ADGRG7: variants seen among roughly 807,000 people sequenced by gnomAD.
The protein encoded by ADGRG7 is adhesion G protein-coupled receptor G7, also known as G-protein coupled receptor 128.
Under a neutral mutation model 88.6 loss-of-function variants are expected in ADGRG7, and 82 were observed. The observed-to-expected ratio is 0.93, with a 90% CI of 0.77 to 1.11. The LOEUF (loss-of-function observed/expected upper bound fraction) is 1.11. Among genes scored for constraint, ADGRG7 ranks in the 50% most tolerant of loss-of-function variants. The pLI is 0.00. For synonymous variants in ADGRG7, 381 were observed against 345.2 expected (o/e 1.10, Z -1.15); for missense variants, 945 against 953.4 (o/e 0.99, Z 0.12).
At chr3:100,619,651 A>G (rs1259465499) in intron 1 of ADGRG7, among the ~76,000 whole-genome samples, 1 of 152,228 alleles carries the variant, frequency 6.6e-6, no homozygotes, top group Non-Finnish European at 1.5e-5. Context: ...CAAAATTGAA[A>G]GACAGCTAGC....
intron 15 of ADGRG7, among the ~76,000 whole-genome samples, chr3:100,691,469 G>A (rs995531079): frequency 2.6e-5 from 4 of 152,116 alleles, no homozygotes; most frequent in African/African-American, 9.7e-5. Flanking sequence ...GCTGGGAGCT[G>A]TAGACTGGAG....
intron 8 of ADGRG7, among the ~76,000 whole-genome samples, chr3:100,643,934 CA>C (rs1464740862): frequency 6.6e-6 from 1 of 152,222 alleles, no homozygotes; most frequent in Non-Finnish European, 1.5e-5. Context: ...TTCTGTTTTA[CA>C]CTTACAAATT....
intron 8 of ADGRG7, 148 bp from the exon 9 acceptor site, chr3:100,645,797 A>G: frequency 3.0e-6 from 2 of 676,446 alleles, no homozygotes; most frequent in Non-Finnish European, 4.9e-6. Flanking sequence ...TACATATTGC[A>G]ATTAAGTAAA....
At chr3:100,691,634 A>G (rs1055090126) in intron 15 of ADGRG7, among the ~76,000 whole-genome samples, 2 of 144,992 alleles carry the variant, frequency 1.4e-5, no homozygotes, top group Admixed American at 7.0e-5. Flanking sequence ...TCCCATGATC[A>G]TATCTTATGT....
chr3:100,617,025 G>C (rs554589268), intron 1 of ADGRG7, among the ~76,000 whole-genome samples: 1 of 152,192 alleles, frequency 6.6e-6, no homozygotes, highest in East Asian at 1.9e-4. Flanking sequence ...GAAAATATGG[G>C]AGAAGCAACT....
At chr3:100,690,207 C>T (rs569665302) in intron 15 of ADGRG7, among the ~76,000 whole-genome samples, 99 of 152,258 alleles carry the variant, frequency 6.5e-4, no homozygotes, top group African/African-American at 1.9e-3. Context: ...GTTCTCGTGC[C>T]GTGGTTTTCA....
At chr3:100,666,840 T>C (rs1298837700) in intron 14 of ADGRG7, among the ~76,000 whole-genome samples, 2 of 151,862 alleles carry the variant, frequency 1.3e-5, no homozygotes, top group Non-Finnish European at 2.9e-5. Context: ...GATTAGGGAG[T>C]GGTGATGACT....
chr3:100,643,370 T>C lies in ADGRG7; in HGVS notation c.803T>C (p.Val268Ala). 1.2e-6 allele frequency: 2 copies of C among 1,614,052 alleles called. No individual in the cohort carries two copies. Among genetic ancestry groups the C allele is most frequent in the East Asian group, 2.2e-5 (1 of 44,860 alleles). ...GCAAATTTCTCTTCAGAAAATGCGG[T>C]GGGGCCTTCAAATGTTCGCTTCTCT... The part of the protein sequence containing the change: ...QSANFSSENA[V>A]GPSNVRFSVQ... The change falls in exon 7 of 16, where the codon GTG becomes GCG. Residue 268 changes from valine (V) to alanine (A), a missense_variant. By Grantham distance (64) the Val-to-Ala change is moderately conservative. Transcript: ENST00000273352.
At chr3:100,659,891 A>G (rs1410893988) in intron 14 of ADGRG7, 48 bp downstream of exon 14, 4 of 1,566,804 alleles carry the variant, frequency 2.6e-6, no homozygotes, top group Non-Finnish European at 3.5e-6. Flanking sequence ...CTCATCCAGC[A>G]CTTAACGCAG....
At chr3:100,614,688 T>C (rs1420866477) in intron 1 of ADGRG7, among the ~76,000 whole-genome samples, 1 of 152,168 alleles carries the variant, frequency 6.6e-6, no homozygotes, top group Admixed American at 6.5e-5. Flanking sequence ...TGAAATTTCT[T>C]AGACTAAGGA....
At chr3:100,669,838 C>T (rs1287333760) in intron 15 of ADGRG7, among the ~76,000 whole-genome samples, 1 of 152,032 alleles carries the variant, frequency 6.6e-6, no homozygotes, top group Non-Finnish European at 1.5e-5. Context: ...GAGTTCAAGA[C>T]CAGTCTAGCC....
At chr3:100,612,431 G>C (rs1354944819) in intron 1 of ADGRG7, among the ~76,000 whole-genome samples, 1 of 152,118 alleles carries the variant, frequency 6.6e-6, no homozygotes, top group African/African-American at 2.4e-5. Context: ...TTCACATTGG[G>C]CATTCTTCAT....
intron 15 of ADGRG7, 102 bp from the exon 16 acceptor site, chr3:100,694,641 TG>T: frequency 9.2e-7 from 1 of 1,087,132 alleles, no homozygotes; most frequent in Non-Finnish European, 1.3e-6. Context: ...GTTGGGGAAG[TG>T]CCGTGCAGAT....
intron 6 of ADGRG7, among the ~76,000 whole-genome samples, chr3:100,642,254 G>T (rs1707653109): frequency 6.6e-6 from 1 of 152,202 alleles, no homozygotes; most frequent in Non-Finnish European, 1.5e-5. Context: ...TAGCAGGTGG[G>T]AGTTTTGTTA....
chr3:100,644,872 C>T (rs1464701203), intron 8 of ADGRG7, among the ~76,000 whole-genome samples: 2 of 152,084 alleles, frequency 1.3e-5, no homozygotes, highest in Non-Finnish European at 2.9e-5. Flanking sequence ...AGAAACCTTG[C>T]TCCATTATTA....
intron 6 of ADGRG7, among the ~76,000 whole-genome samples, chr3:100,639,079 T>C (rs905545707): frequency 6.6e-6 from 1 of 151,734 alleles, no homozygotes. Flanking sequence ...TATTACATAC[T>C]ATATTGATTC....
At chr3:100,635,000 GACACACACAC>G (rs142620077) in intron 4 of ADGRG7, among the ~76,000 whole-genome samples, 1 of 146,670 alleles carries the variant, frequency 6.8e-6, no homozygotes, top group African/African-American at 2.5e-5. Context: ...TGAAAACCAA[GACACACACAC>G]ACACACACAC....
intron 15 of ADGRG7, among the ~76,000 whole-genome samples, chr3:100,669,692 TACAA>T (rs1029364943): frequency 6.6e-6 from 1 of 152,064 alleles, no homozygotes; most frequent in South Asian, 2.1e-4. Flanking sequence ...CCCTTTCTGT[TACAA>T]ACAATCAAAT....
intron 15 of ADGRG7, among the ~76,000 whole-genome samples, chr3:100,686,007 C>G (rs901183287): frequency 4.3e-4 from 65 of 151,192 alleles, no homozygotes; most frequent in African/African-American, 1.4e-3. Context: ...TAAAAGTGTT[C>G]CTATTTCTCC....
Sources: gnomAD v4.1 joint callset for allele counts (sites outside exome capture counted in the v4.1 genomes callset) on GRCh38, gnomAD v4.1.1 for gene constraint, MANE v1.5 for transcripts, NCBI Gene and HGNC (gene_info 2026-07-23, HGNC 2026-07-21) for gene names.